The following SLIT2 variants were observed in gnomAD, a reference collection of about 807,000 sequenced individuals.
SLIT2 encodes the protein slit guidance ligand 2.
In SLIT2, 41 loss-of-function variants were observed where a neutral mutation model predicts 185.7. The ratio of observed to expected loss-of-function variants is 0.22; its 90% CI spans 0.17 to 0.29. SLIT2 has a LOEUF of 0.29. Ranked by LOEUF, SLIT2 falls within the 10% of genes least tolerant of loss-of-function variation. The pLI is 1.00. For missense variants in SLIT2, 1,571 were observed against 1,909.0 expected (o/e 0.82, Z 3.30); for synonymous variants, 693 against 680.2 (o/e 1.02, Z -0.29).
chr4:20,599,878 C>G (rs1186733048), intron 33 of SLIT2, among the ~76,000 whole-genome samples: 4 of 152,170 alleles, frequency 2.6e-5, no homozygotes, highest in Non-Finnish European at 5.9e-5. Context: ...CTTTAAAAGT[C>G]TGCACATCTT....
chr4:20,361,445 C>T (rs1031112291), intron 4 of SLIT2, among the ~76,000 whole-genome samples: 1 of 152,210 alleles, frequency 6.6e-6, no homozygotes, highest in Non-Finnish European at 1.5e-5. Context: ...ATTTCAGGAT[C>T]TCTCTTTAGA....
intron 12 of SLIT2, among the ~76,000 whole-genome samples, chr4:20,522,412 C>T (rs1477391645): frequency 6.6e-6 from 1 of 152,014 alleles, no homozygotes; most frequent in Non-Finnish European, 1.5e-5. Flanking sequence ...ATTGTCCTTC[C>T]TGAAGAGGGA....
At chr4:20,283,940 T>C (rs1358903177) in intron 4 of SLIT2, among the ~76,000 whole-genome samples, 10 of 152,184 alleles carry the variant, frequency 6.6e-5, no homozygotes, top group Non-Finnish European at 4.4e-5. Context: ...TTGGTTTCCA[T>C]ACCATGTATA....
intron 4 of SLIT2, among the ~76,000 whole-genome samples, chr4:20,306,296 T>A (rs1717542025): frequency 6.6e-6 from 1 of 152,162 alleles, no homozygotes; most frequent in Non-Finnish European, 1.5e-5. Context: ...CTTTTGATCA[T>A]TACGTTTCCT....
Position 20,519,371 on chromosome 4 carries a change from AT to A in SLIT2, c.1059-4del. On this transcript the variant is annotated splice_polypyrimidine_tract_variant and intron_variant, in intron 11 of 36. Transcript: ENST00000504154. Reference sequence around the variant, plus strand: ...GTGTCTAATTTTTTTCATTTAAAATATTTTTTTCAGTGTCCTCTATGGAAAT... The same window carrying A: ...GTGTCTAATTTTTTTCATTTAAAATATTTTTTCAGTGTCCTCTATGGAAAT... 10 of 1,462,668 alleles carry A rather than the reference AT, an allele frequency of 6.8e-6. No individual in the cohort carries two copies. The highest frequency in any genetic ancestry group is 9.6e-6 in the Non-Finnish European group (10 of 1,046,834). 90.6% of individuals were successfully genotyped at this position (1,462,668 alleles called of 1,614,324 possible).
chr4:20,600,904 T>C (rs921714322), intron 33 of SLIT2, among the ~76,000 whole-genome samples: 2 of 151,282 alleles, frequency 1.3e-5, no homozygotes, highest in Admixed American at 1.3e-4. Flanking sequence ...ATAATACATT[T>C]TATTAACATA....
rs768400970 is a variant in SLIT2, at chr4:20,568,856, G to A, written c.2949-9G>A. On this transcript the variant is annotated splice_polypyrimidine_tract_variant and intron_variant, in intron 28 of 36. Transcript: ENST00000504154. ...AGATGTTTTTTGCCTTTTCTCCTCT[G>A]GCATTCAGGTGTATTTGTGCTGATG... 6.2e-7 allele frequency: 1 copy of A among 1,608,302 alleles called. No homozygotes were observed. Among genetic ancestry groups the A allele is most frequent in the Admixed American group, 1.7e-5 (1 of 59,614 alleles).
chr4:20,475,998 G>T (rs1577735362), intron 5 of SLIT2, among the ~76,000 whole-genome samples: 1 of 152,020 alleles, frequency 6.6e-6, no homozygotes, highest in African/African-American at 2.4e-5. Flanking sequence ...ATTACTTTGG[G>T]GTCCTCAGAA....
intron 4 of SLIT2, among the ~76,000 whole-genome samples, chr4:20,461,007 A>G (rs1177062896): frequency 6.6e-6 from 1 of 152,202 alleles, no homozygotes; most frequent in Non-Finnish European, 1.5e-5. Context: ...AAACAATTCT[A>G]AGATATATTT....
chr4:20,555,471 A>G (rs1393310554), intron 26 of SLIT2, among the ~76,000 whole-genome samples: 1 of 152,100 alleles, frequency 6.6e-6, no homozygotes, highest in Admixed American at 6.5e-5. Flanking sequence ...TGATGGTTAC[A>G]GTCTGAAAGG....
rs188551086 is a variant in SLIT2, at chr4:20,593,636, A to G, written c.3183-2061A>G. ...GCAGATCTGAAATATTTTCACCACA[A>G]AAGGAAAAGGGTAACTATGGGAGGT... On this transcript the variant is annotated intron_variant, in intron 30 of 36. Transcript: ENST00000504154. 1.1e-3 allele frequency among the ~76,000 whole-genome samples: 168 copies of G among 152,262 alleles called. 1 individual carries two copies. Among genetic ancestry groups the G allele is most frequent in the South Asian group, 2.3e-3 (11 of 4,824 alleles).
In SLIT2 at chr4:20,342,713, C is replaced by T. The variant is rs553634401; in HGVS notation, c.395+73832C>T. On this transcript the variant is annotated intron_variant, in intron 4 of 36. Coordinates refer to ENST00000504154, the MANE Select transcript of SLIT2 (RefSeq NM_004787.4). ...TTTGATTCTGCCATTCATCGACTATCGCACTTTTTTTTTTTTTTTTTTTTT... is the reference window on the plus strand; with the variant it reads ...TTTGATTCTGCCATTCATCGACTATTGCACTTTTTTTTTTTTTTTTTTTTT... Among the ~76,000 whole-genome samples the T allele has an allele frequency of 9.7e-4, 132 of 135,456 alleles. 1 individual carries two copies. Among genetic ancestry groups the T allele is most frequent in the African/African-American group, 3.4e-3 (125 of 36,262 alleles). 88.9% of individuals were successfully genotyped at this position (135,456 alleles called of 152,430 possible).
intron 4 of SLIT2, among the ~76,000 whole-genome samples, chr4:20,362,794 C>G (rs1000745278): frequency 1.3e-5 from 2 of 151,834 alleles, no homozygotes; most frequent in African/African-American, 4.8e-5. Context: ...AAAGACTTTG[C>G]TTTGTTGTTT....
intron 29 of SLIT2, among the ~76,000 whole-genome samples, chr4:20,570,826 A>G (rs761258460): frequency 6.0e-5 from 9 of 150,266 alleles, no homozygotes; most frequent in Admixed American, 4.0e-4. Context: ...TCTTTTTGAC[A>G]ATAAAATTTC....
intron 4 of SLIT2, among the ~76,000 whole-genome samples, chr4:20,463,134 T>C (rs933494746): frequency 6.6e-6 from 1 of 152,028 alleles, no homozygotes; most frequent in Non-Finnish European, 1.5e-5. Context: ...TAATAAATGG[T>C]AGAACTAGAA....
intron 9 of SLIT2, among the ~76,000 whole-genome samples, chr4:20,500,467 T>A (rs1718627175): frequency 6.6e-6 from 1 of 152,154 alleles, no homozygotes; most frequent in Admixed American, 6.5e-5. Flanking sequence ...TTACTTTCAC[T>A]TCACATTTTA....
At chr4:20,548,329 A>G (rs576076486) in intron 22 of SLIT2, among the ~76,000 whole-genome samples, 159 bp from the exon 23 acceptor site, 16 of 152,272 alleles carry the variant, frequency 1.1e-4, no homozygotes, top group Middle Eastern at 3.4e-3. Context: ...TAACATTGCA[A>G]TCTACTCCAG....
At chr4:20,415,410 CAAAAAA>C (rs371123614) in intron 4 of SLIT2, among the ~76,000 whole-genome samples, 2 of 65,480 alleles carry the variant, frequency 3.1e-5, no homozygotes, top group African/African-American at 1.2e-4. Context: ...GACTCCGTCT[CAAAAAA>C]AAAAAAAAAA....
rs1025951510 is a variant in SLIT2, at chr4:20,282,172, C to G, written c.395+13291C>G. Among the ~76,000 whole-genome samples the G allele has an allele frequency of 3.9e-5, 6 of 152,012 alleles. 1 individual carries two copies. The highest frequency in any genetic ancestry group is 3.9e-4 in the Admixed American group (6 of 15,270). Reference sequence around the variant, plus strand: ...GATGGACAAATGTTATTCTTTAATCCTTTCCCATTTAGAAGCCATACTCTA... The same window carrying G: ...GATGGACAAATGTTATTCTTTAATCGTTTCCCATTTAGAAGCCATACTCTA... On this transcript the variant is annotated intron_variant, in intron 4 of 36. Transcript: ENST00000504154.
Sources: gnomAD v4.1 joint callset for allele counts (sites outside exome capture counted in the v4.1 genomes callset) on GRCh38, gnomAD v4.1.1 for gene constraint, MANE v1.5 for transcripts, NCBI Gene and HGNC (gene_info 2026-07-23, HGNC 2026-07-21) for gene names.